SMARCA2: variants seen among roughly 807,000 people sequenced by gnomAD.
SMARCA2 encodes SWI/SNF related BAF chromatin remodeling complex subunit ATPase 2.
SMARCA2 carries 61 observed loss-of-function variants against 199.8 expected under a neutral mutation model. The observed-to-expected ratio is 0.31, with a 90% confidence interval of 0.25 to 0.38. The LOEUF (loss-of-function observed/expected upper bound fraction) is 0.38, where lower values mean the gene tolerates loss of function less well. SMARCA2 is among the 10% of genes least tolerant of loss of function. SMARCA2 has a pLI of 1.00. For missense variants in SMARCA2, 1,344 were observed against 2,012.2 expected (o/e 0.67, Z 6.35); for synonymous variants, 935 against 732.0 (o/e 1.28, Z -4.48).
intron 27 of SMARCA2, among the ~76,000 whole-genome samples, chr9:2,152,638 G>C (rs560318890): frequency 2.0e-5 from 3 of 152,060 alleles, no homozygotes; most frequent in Admixed American, 6.5e-5. Context: ...GATCACCTGA[G>C]GTCAGAAGTT....
intron 9 of SMARCA2, among the ~76,000 whole-genome samples, chr9:2,069,873 A>T (rs1013913426): frequency 1.3e-5 from 2 of 152,132 alleles, no homozygotes; most frequent in Non-Finnish European, 2.9e-5. Flanking sequence ...GTTACAGTTG[A>T]TCCTGTCACC....
intron 3 of SMARCA2, among the ~76,000 whole-genome samples, chr9:2,037,682 G>A (rs987940219): frequency 2.0e-5 from 3 of 152,202 alleles, no homozygotes; most frequent in Non-Finnish European, 4.4e-5. Flanking sequence ...GTTCGGGCAT[G>A]CAGCAGGAAT....
At chr9:2,131,723 G>A (rs771477700) in intron 27 of SMARCA2, among the ~76,000 whole-genome samples, 1 of 152,152 alleles carries the variant, frequency 6.6e-6, no homozygotes, top group Non-Finnish European at 1.5e-5. Context: ...GCTCACGCCT[G>A]TAATCCCAGC....
At chr9:2,135,165 G>A (rs1824139725) in intron 27 of SMARCA2, among the ~76,000 whole-genome samples, 1 of 152,164 alleles carries the variant, frequency 6.6e-6, no homozygotes, top group Non-Finnish European at 1.5e-5. Context: ...GGATTACGAA[G>A]ACCTGAGAAC....
intron 27 of SMARCA2, among the ~76,000 whole-genome samples, chr9:2,124,302 G>C (rs868473229): frequency 6.6e-6 from 1 of 152,210 alleles, no homozygotes; most frequent in Non-Finnish European, 1.5e-5. Context: ...ATGTGGAAGG[G>C]CACCTTAGAG....
At chr9:2,118,964 A>G (rs547954116) in intron 25 of SMARCA2, among the ~76,000 whole-genome samples, 11 of 152,286 alleles carry the variant, frequency 7.2e-5, no homozygotes, top group African/African-American at 2.4e-4. Context: ...TGTGATTTTT[A>G]TTGTCTTAGT....
intron 3 of SMARCA2, among the ~76,000 whole-genome samples, chr9:2,037,459 G>A (rs1014104181): frequency 1.1e-4 from 16 of 152,322 alleles, no homozygotes; most frequent in Middle Eastern, 3.4e-3. Flanking sequence ...CTTCTCATCA[G>A]TTGGTGGAGC....
intron 27 of SMARCA2, among the ~76,000 whole-genome samples, chr9:2,130,246 G>A (rs186691681): frequency 6.6e-6 from 1 of 152,166 alleles, no homozygotes; most frequent in African/African-American, 2.4e-5. Context: ...ATGGAAGAAG[G>A]CTCTCCTCCT....
At position 2,104,853 on chromosome 9, in the gene SMARCA2, AG is replaced by A. The variant is rs113634497; in HGVS notation, c.3292+685del. Among the ~76,000 whole-genome samples the A allele has an allele frequency of 6.6e-4, 101 of 152,358 alleles. No homozygotes were observed. The highest frequency in any genetic ancestry group is 2.3e-3 in the African/African-American group (97 of 41,576). On this transcript the variant is annotated intron_variant, in intron 23 of 33. Transcript: ENST00000349721. The surrounding 1 kb of genome is among the most constrained non-coding windows in gnomAD (Gnocchi z 4.0). ...CAGCCATAATATATTAGAGGTTGAA[AG>A]TATCAGCATTTATACACAATGGAAG...
rs774478658 is a variant in SMARCA2, at chr9:2,039,797, G to A, written c.687G>A (p.Gln229=). ...AGCAACAGCAGCAGCAGCAGCAGCA[G>A]CAGCAGCAGCAGCAGCAGCAACAGC... The part of the protein sequence containing the change: ...QQQQQQQQQQ[Q]QQQQQQQQQP... The change falls in exon 4 of 34, where the codon CAG becomes CAA. Residue 229 remains glutamine (Q), a synonymous_variant. Coordinates refer to ENST00000349721, the MANE Select transcript of SMARCA2 (RefSeq NM_003070.5). The surrounding 1 kb of genome is among the most constrained non-coding windows in gnomAD (Gnocchi z 4.8). 2.5e-6 allele frequency: 4 copies of A among 1,602,154 alleles called. No homozygotes were observed. Among genetic ancestry groups the A allele is most frequent in the Non-Finnish European group, 1.7e-6 (2 of 1,173,068 alleles).
chr9:2,139,326 C>T (rs1824354195), intron 27 of SMARCA2, among the ~76,000 whole-genome samples: 2 of 152,056 alleles, frequency 1.3e-5, no homozygotes, highest in African/African-American at 4.8e-5. Context: ...GTCTGGTGGG[C>T]AGGGGGGTAG....
chr9:2,116,111 A>G, intron 25 of SMARCA2, 62 bp downstream of exon 25: 1 of 1,246,394 alleles, frequency 8.0e-7, no homozygotes, highest in Non-Finnish European at 1.2e-6. Flanking sequence ...TGAAGGACTC[A>G]GAATAATCCC....
rs371998122 is a variant in SMARCA2, at chr9:2,128,486, G to T, written c.3981+4549G>T. ...TCTCCTTGACTGATTTCTCCACACT[G>T]TGCTAGAAGATGCAGGGTGCAGTGA... On this transcript the variant is annotated intron_variant, in intron 27 of 33. Transcript: ENST00000349721. Among the ~76,000 whole-genome samples, 47 of 152,334 alleles carry T rather than the reference G, an allele frequency of 3.1e-4. No individual in the cohort carries two copies. In the South Asian group the frequency reaches 7.0e-3, roughly 23 times the overall value.
chr9:2,192,885 A>C lies in SMARCA2; in HGVS notation c.*146A>C, dbSNP rs746707359. On this transcript the variant is annotated 3_prime_UTR_variant, in exon 34 of 34. Coordinates refer to ENST00000349721, the MANE Select transcript of SMARCA2 (RefSeq NM_003070.5). ...CTAGCTTTAGGATAGTGCCAGACAA[A>C]CATATGATATCATGGTGTAAAAAAC... is the stretch of plus-strand genomic sequence containing the variant. 9.3e-5 allele frequency: 61 copies of C among 656,046 alleles called. 1 individual carries two copies. Among genetic ancestry groups the C allele is most frequent in the Non-Finnish European group, 1.5e-4 (54 of 363,354 alleles). The allele number at this position is 656,046 out of a possible 1,614,324, so 40.6% of individuals were successfully genotyped here.
chr9:2,061,935 A>C (rs1329945511), intron 9 of SMARCA2, among the ~76,000 whole-genome samples: 1 of 152,218 alleles, frequency 6.6e-6, no homozygotes, highest in Non-Finnish European at 1.5e-5. Flanking sequence ...AGCTTACCTC[A>C]TTGTGAAGAT....
In SMARCA2 at chr9:2,119,645, T is replaced by TA. The variant is rs1443925286; in HGVS notation, c.3762+111dup. 1.7e-5 allele frequency: 12 copies of TA among 720,440 alleles called. No homozygotes were observed. The highest frequency in any genetic ancestry group is 2.7e-5 in the Non-Finnish European group (11 of 411,310). 44.6% of individuals were successfully genotyped at this position (720,440 alleles called of 1,614,324 possible). On this transcript the variant is annotated intron_variant, in intron 26 of 33. Transcript: ENST00000349721. The surrounding 1 kb of genome is among the most constrained non-coding windows in gnomAD (Gnocchi z 4.6). ...CTGGCAGAACTTCATACGTAAAGCC[T>TA]ATGCCTTTCCTTCAGTTCAGAGGCT... is the stretch of plus-strand genomic sequence containing the variant.
chr9:2,187,553 C>G (rs1300775185), intron 32 of SMARCA2, among the ~76,000 whole-genome samples: 2 of 152,050 alleles, frequency 1.3e-5, no homozygotes, highest in Non-Finnish European at 2.9e-5. Flanking sequence ...TGGCACGTGT[C>G]TATAGTCCCA....
At chr9:2,125,730 T>C (rs1823659197) in intron 27 of SMARCA2, among the ~76,000 whole-genome samples, 1 of 152,212 alleles carries the variant, frequency 6.6e-6, no homozygotes, top group Admixed American at 6.5e-5. Context: ...GCTCGGGTGA[T>C]CCACCTGCCT....
rs1821048196 is a variant in SMARCA2 at position 2,070,600 on chromosome 9, A to C, written c.1746+129A>C. On this transcript the variant is annotated intron_variant, in intron 10 of 33. Coordinates refer to ENST00000349721, the MANE Select transcript of SMARCA2 (RefSeq NM_003070.5). ...TTATTTTAAGTAAAAATAGTAATAC[A>C]TTAGCATAGTAGAAAATTAGAATGA... 9 of 650,690 alleles carry C rather than the reference A, an allele frequency of 1.4e-5. No homozygotes were observed. The South Asian group carries it at 1.7e-4, about 13-fold the overall frequency. The allele number at this position is 650,690 out of a possible 1,614,324, so 40.3% of individuals were successfully genotyped here.
Sources: gnomAD v4.1 joint callset for allele counts (sites outside exome capture counted in the v4.1 genomes callset) on GRCh38, gnomAD v4.1.1 for gene constraint, Gnocchi (gnomAD v3.1) non-coding constraint, MANE v1.5 for transcripts, NCBI Gene and HGNC (gene_info 2026-07-23, HGNC 2026-07-21) for gene names.